ZCCHC10: variants seen among roughly 807,000 people sequenced by gnomAD.
ZCCHC10 encodes the protein zinc finger CCHC-type containing 10, also known as zinc finger CCHC domain-containing protein 10.
In ZCCHC10, 16 loss-of-function variants were observed where a neutral mutation model predicts 19.5. That is an observed-to-expected ratio of 0.82 (90% CI 0.56 to 1.25). ZCCHC10 has a LOEUF of 1.25. Among genes scored for constraint, ZCCHC10 ranks in the 50% most tolerant of loss-of-function variants. ZCCHC10 has a pLI of 0.00. For missense variants in ZCCHC10, 197 were observed against 201.0 expected (o/e 0.98, Z 0.12); for synonymous variants, 67 against 72.5 (o/e 0.92, Z 0.38).
chr5:132,998,922 T>C (rs1196907699), intron 4 of ZCCHC10, 72 bp from the exon 5 acceptor site: 1 of 1,547,288 alleles, frequency 6.5e-7, no homozygotes, highest in East Asian at 2.3e-5. Context: ...ATTTCATTTT[T>C]TTTTTCTTTT....
intron 2 of ZCCHC10, among the ~76,000 whole-genome samples, chr5:133,013,309 T>C (rs915792725): frequency 7.0e-6 from 1 of 142,488 alleles, no homozygotes; most frequent in Non-Finnish European, 1.5e-5. Flanking sequence ...ACAATAAACA[T>C]ATGAAAAAGT....
chr5:133,021,139 G>A (rs959235155), intron 2 of ZCCHC10, among the ~76,000 whole-genome samples: 6 of 152,196 alleles, frequency 3.9e-5, no homozygotes, highest in Admixed American at 2.0e-4. Flanking sequence ...CTCGTGATCC[G>A]CCCGCCTCGG....
chr5:132,999,070 G>A (rs942838981), intron 4 of ZCCHC10, among the ~76,000 whole-genome samples: 9 of 151,846 alleles, frequency 5.9e-5, no homozygotes, highest in African/African-American at 1.9e-4. Flanking sequence ...TGCGCACACC[G>A]ACGCCCAGAT....
At position 133,015,556 on chromosome 5, in the gene ZCCHC10, C is replaced by T. The variant is rs147254362; in HGVS notation, c.107+7285G>A. On this transcript the variant is annotated intron_variant, in intron 2 of 4. Coordinates refer to ENST00000509437, the MANE Select transcript of ZCCHC10 (RefSeq NM_001300816.3). Reference sequence around the variant, plus strand: ...TTTGAAGACTAGGTCAAGTAGCTGCCATGTCATGAAGTTACTCAAGCAGCC... The same window carrying T: ...TTTGAAGACTAGGTCAAGTAGCTGCTATGTCATGAAGTTACTCAAGCAGCC... 5.9e-5 allele frequency among the ~76,000 whole-genome samples: 9 copies of T among 152,198 alleles called. No homozygotes were observed. The East Asian group carries it at 1.7e-3, about 29-fold the overall frequency.
chr5:133,019,025 C>A, intron 2 of ZCCHC10: 1 of 443,424 alleles, frequency 2.3e-6, no homozygotes, highest in Non-Finnish European at 4.5e-6. Flanking sequence ...TTAAAAATAT[C>A]CACCAGACAT....
At chr5:133,023,453 C>T (rs1219180685) in intron 1 of ZCCHC10, among the ~76,000 whole-genome samples, 3 of 147,412 alleles carry the variant, frequency 2.0e-5, no homozygotes, top group African/African-American at 7.7e-5. Context: ...TTCTATTAGT[C>T]CAAAGACCTT....
intron 2 of ZCCHC10, among the ~76,000 whole-genome samples, chr5:133,021,233 G>A (rs575810015): frequency 2.2e-4 from 33 of 152,220 alleles, no homozygotes; most frequent in Middle Eastern, 6.8e-3. Flanking sequence ...GTTTCACCGT[G>A]TTAGCCAGGA....
intron 2 of ZCCHC10, among the ~76,000 whole-genome samples, chr5:133,020,725 ATT>A (rs1034342401): frequency 6.8e-6 from 1 of 146,384 alleles, no homozygotes. Flanking sequence ...GAAACTAAAA[ATT>A]TTTTTTTTTT....
At chr5:133,001,370 G>A (rs1395239622) in intron 3 of ZCCHC10, among the ~76,000 whole-genome samples, 11 of 151,530 alleles carry the variant, frequency 7.3e-5, no homozygotes, top group Non-Finnish European at 1.3e-4. Flanking sequence ...CAGTTTGGGC[G>A]ACAGAGCAAG....
In ZCCHC10 at chr5:132,998,696, T is replaced by G. The variant is rs1762574430; in HGVS notation, c.466A>C (p.Thr156Pro). The change falls in exon 5 of 5, where the codon ACC (threonine) becomes CCC (proline). Residue 156 changes from threonine to proline, a missense_variant. Physicochemically the swap from Thr to Pro is conservative, Grantham distance 38. Coordinates refer to ENST00000509437, the MANE Select transcript of ZCCHC10 (RefSeq NM_001300816.3). ...TCTGAATCAGAGGAGGAGGAAGAGG[T>G]TGTGGAGGAGGCTGAGGATGAGGAA... ...SSSSSSASSTTSSSSSDSDSD... is the reference protein window; with the variant it reads ...SSSSSSASSTPSSSSSDSDSD... 1 of 1,613,622 alleles carries G rather than the reference T, an allele frequency of 6.2e-7. No homozygotes were observed. Among genetic ancestry groups the G allele is most frequent in the African/African-American group, 1.3e-5 (1 of 74,756 alleles).
At chr5:133,018,237 G>A (rs1462592589) in intron 2 of ZCCHC10, among the ~76,000 whole-genome samples, 4 of 150,382 alleles carry the variant, frequency 2.7e-5, no homozygotes, top group African/African-American at 9.8e-5. Context: ...TGCAATCCCA[G>A]CACTTCTTTA....
Position 133,002,207 on chromosome 5 carries a change from C to T in ZCCHC10, c.270-2034G>A, listed in dbSNP as rs1036399336. 2.6e-5 allele frequency among the ~76,000 whole-genome samples: 4 copies of T among 151,618 alleles called. No homozygotes were observed. The South Asian group carries it at 6.2e-4, about 24-fold the overall frequency. On this transcript the variant is annotated intron_variant, in intron 3 of 4. Transcript: ENST00000509437. The stretch of plus-strand genomic sequence containing the variant: ...CGATCTCCTGATCTTGTGATCCACC[C>T]GCCTCAGCCTCCCAAAATGCTGGGA...
chr5:133,013,375 A>G (rs1220987107), intron 2 of ZCCHC10, among the ~76,000 whole-genome samples: 2 of 152,080 alleles, frequency 1.3e-5, no homozygotes, highest in Non-Finnish European at 2.9e-5. Context: ...ACCACTACAC[A>G]ACTCCCAGAA....
Position 133,012,471 on chromosome 5 carries a change from G to GAA in ZCCHC10, c.108-5553_108-5552dup, listed in dbSNP as rs11415290. Among the ~76,000 whole-genome samples, 66 of 129,544 alleles carry GAA rather than the reference G, an allele frequency of 5.1e-4. 1 individual carries two copies. Among genetic ancestry groups the GAA allele is most frequent in the Non-Finnish European group, 8.0e-4 (47 of 58,550 alleles). 85.0% of individuals were successfully genotyped at this position (129,544 alleles called of 152,430 possible). ...CAACAGAGTGAGACTCCATCTCAAA[G>GAA]AAAAAAAAAAAGTGTACAGAAATTC... On this transcript the variant is annotated intron_variant, in intron 2 of 4. Transcript: ENST00000509437.
intron 2 of ZCCHC10, among the ~76,000 whole-genome samples, chr5:133,020,906 T>A (rs112243062): frequency 4.7e-5 from 7 of 149,222 alleles, no homozygotes; most frequent in South Asian, 2.1e-4. Flanking sequence ...ATTTATTATT[T>A]TTTTTTTCTG....
At chr5:133,015,077 G>GTTTTTT (rs35057432) in intron 2 of ZCCHC10, among the ~76,000 whole-genome samples, 7 of 128,784 alleles carry the variant, frequency 5.4e-5, no homozygotes, top group African/African-American at 1.5e-4. Context: ...CCACTGTGAG[G>GTTTTTT]TTTTTTTTTT....
At chr5:133,004,540 T>A (rs1242102676) in intron 3 of ZCCHC10, among the ~76,000 whole-genome samples, 1 of 151,388 alleles carries the variant, frequency 6.6e-6, no homozygotes, top group Non-Finnish European at 1.5e-5. Context: ...CGGGCTAGAG[T>A]GCAGTGGCGC....
intron 2 of ZCCHC10, chr5:133,011,279 A>C (rs1052942403): frequency 6.6e-6 from 1 of 152,018 alleles, no homozygotes; most frequent in South Asian, 2.1e-4. Context: ...TAATCCTAAA[A>C]ACTACCAAAT....
At chr5:133,003,961 C>T (rs991344348) in intron 3 of ZCCHC10, among the ~76,000 whole-genome samples, 2 of 151,420 alleles carry the variant, frequency 1.3e-5, no homozygotes, top group Admixed American at 6.6e-5. Context: ...CCACCCACCT[C>T]GGCCTCCCAT....
Sources: allele counts gnomAD v4.1 joint callset (sites outside exome capture counted in the v4.1 genomes callset), GRCh38; gene constraint gnomAD v4.1.1; transcripts MANE v1.5; gene names NCBI Gene and HGNC (gene_info 2026-07-23, HGNC 2026-07-21).